The following EPHA3 variants were observed in gnomAD, a reference collection of about 807,000 sequenced individuals.
EPHA3 encodes the protein EPH receptor A3.
Under a neutral mutation model 107.1 loss-of-function variants are expected in EPHA3, and 42 were observed. That is an observed-to-expected ratio of 0.39 (90% CI 0.31 to 0.51). EPHA3 has a LOEUF of 0.51. Ranked by LOEUF, EPHA3 falls within the 20% of genes least tolerant of loss-of-function variation. The pLI is 0.78. For missense variants in EPHA3, 1,183 were observed against 1,211.2 expected (o/e 0.98, Z 0.35); for synonymous variants, 461 against 424.8 (o/e 1.09, Z -1.05).
At chr3:89,372,390 T>C (rs540398488) in intron 5 of EPHA3, among the ~76,000 whole-genome samples, 1 of 151,810 alleles carries the variant, frequency 6.6e-6, no homozygotes, top group East Asian at 1.9e-4. Flanking sequence ...TTCAAGCCTT[T>C]ATATTCCAAG....
chr3:89,111,164 G>A (rs1707096532), intron 1 of EPHA3, among the ~76,000 whole-genome samples: 1 of 151,882 alleles, frequency 6.6e-6, no homozygotes, highest in African/African-American at 2.4e-5. Flanking sequence ...AGGAAACTAT[G>A]CAATTGTTTA....
intron 2 of EPHA3, among the ~76,000 whole-genome samples, chr3:89,168,497 C>A (rs1008344481): frequency 6.6e-6 from 1 of 151,916 alleles, no homozygotes; most frequent in African/African-American, 2.4e-5. Flanking sequence ...TTTATTTATA[C>A]CAAATTTTTA....
At chr3:89,268,596 A>G (rs1705591338) in intron 3 of EPHA3, among the ~76,000 whole-genome samples, 2 of 152,024 alleles carry the variant, frequency 1.3e-5, no homozygotes, top group African/African-American at 4.8e-5. Context: ...TGAAATCAAG[A>G]AAATTGAATT....
intron 1 of EPHA3, among the ~76,000 whole-genome samples, chr3:89,121,445 T>C (rs911292564): frequency 1.3e-5 from 2 of 151,996 alleles, no homozygotes; most frequent in African/African-American, 2.4e-5. Flanking sequence ...ATCTGTGAAA[T>C]AAAATACTAA....
At chr3:89,212,508 C>T (rs933457377) in intron 3 of EPHA3, among the ~76,000 whole-genome samples, 1 of 151,808 alleles carries the variant, frequency 6.6e-6, no homozygotes. Flanking sequence ...TTTTTTAGAT[C>T]CCAGCATAAC....
In EPHA3 at chr3:89,265,747, G is replaced by A. The variant is rs746726890; in HGVS notation, c.814+55227G>A. Among the ~76,000 whole-genome samples the A allele has an allele frequency of 5.9e-5, 9 of 152,146 alleles. No individual in the cohort carries two copies. The South Asian group carries it at 1.9e-3, about 32-fold the overall frequency. The stretch of plus-strand genomic sequence containing the variant: ...AGCAATGCATCACTCCTTTTGTCAT[G>A]TGGACATTATGAAATTTAGTACATT... On this transcript the variant is annotated intron_variant, in intron 3 of 16. Transcript: ENST00000336596.
chr3:89,309,247 C>A (rs191700199), intron 3 of EPHA3, among the ~76,000 whole-genome samples: 302 of 152,216 alleles, frequency 2.0e-3, no homozygotes, highest in Middle Eastern at 6.8e-3. Flanking sequence ...ATAGGATACT[C>A]TTTCCACAAA....
At chr3:89,381,391 G>A (rs1282719973) in intron 5 of EPHA3, among the ~76,000 whole-genome samples, 9 of 151,880 alleles carry the variant, frequency 5.9e-5, no homozygotes, top group South Asian at 4.2e-4. Flanking sequence ...AATCATCAGC[G>A]TGGTATGATG....
At chr3:89,346,508 C>A (rs1368398689) in intron 5 of EPHA3, among the ~76,000 whole-genome samples, 2 of 147,828 alleles carry the variant, frequency 1.4e-5, no homozygotes, top group African/African-American at 4.9e-5. Flanking sequence ...ATTGTAGATT[C>A]TGGATATTAG....
intron 2 of EPHA3, among the ~76,000 whole-genome samples, chr3:89,167,914 A>G (rs1450457211): frequency 6.6e-6 from 1 of 152,126 alleles, no homozygotes; most frequent in African/African-American, 2.4e-5. Flanking sequence ...ATTATTTATT[A>G]TATACACATA....
chr3:89,223,500 G>GA (rs1704431522), intron 3 of EPHA3, among the ~76,000 whole-genome samples: 2 of 152,164 alleles, frequency 1.3e-5, no homozygotes, highest in South Asian at 4.1e-4. Context: ...GTAAACTCCA[G>GA]ATGAGGGTCA....
rs549142158 is a variant in EPHA3, at chr3:89,299,471, A to T, written c.815-41445A>T. On this transcript the variant is annotated intron_variant, in intron 3 of 16. Transcript: ENST00000336596. Reference sequence around the variant, plus strand: ...ATCCATAGCCTATAAAACTAAAATAAAAGAACCCAGGAAAAAGTAACGGCA... The same window carrying T: ...ATCCATAGCCTATAAAACTAAAATATAAGAACCCAGGAAAAAGTAACGGCA... 5.9e-5 allele frequency among the ~76,000 whole-genome samples: 9 copies of T among 152,094 alleles called. No individual in the cohort carries two copies. In the East Asian group the frequency reaches 1.7e-3, roughly 29 times the overall value.
chr3:89,388,391 G>A (rs188020173), intron 5 of EPHA3, among the ~76,000 whole-genome samples: 1 of 152,242 alleles, frequency 6.6e-6, no homozygotes, highest in African/African-American at 2.4e-5. Flanking sequence ...TAAATAATGG[G>A]AGAAGGAGCA....
intron 1 of EPHA3, among the ~76,000 whole-genome samples, chr3:89,111,196 A>C (rs1053912129): frequency 1.3e-5 from 2 of 152,120 alleles, no homozygotes; most frequent in African/African-American, 2.4e-5. Flanking sequence ...TAAAACTTGC[A>C]TATGAATATT....
At chr3:89,139,983 T>A (rs1704394573) in intron 2 of EPHA3, among the ~76,000 whole-genome samples, 1 of 151,872 alleles carries the variant, frequency 6.6e-6, no homozygotes, top group Non-Finnish European at 1.5e-5. Flanking sequence ...GCTACTTTTC[T>A]CAGCAGGTGA....
chr3:89,251,180 G>C (rs1285717578), intron 3 of EPHA3, among the ~76,000 whole-genome samples: 1 of 151,778 alleles, frequency 6.6e-6, no homozygotes, highest in Non-Finnish European at 1.5e-5. Flanking sequence ...AAACTACTAG[G>C]GTTTTTTGGT....
At chr3:89,474,393 T>A (rs1363605881) in intron 16 of EPHA3, among the ~76,000 whole-genome samples, 1 of 152,222 alleles carries the variant, frequency 6.6e-6, no homozygotes, top group Non-Finnish European at 1.5e-5. Context: ...CTTATTTTGA[T>A]CAGATACAGT....
At chr3:89,251,075 C>T (rs1304707910) in intron 3 of EPHA3, among the ~76,000 whole-genome samples, 1 of 152,116 alleles carries the variant, frequency 6.6e-6, no homozygotes, top group Non-Finnish European at 1.5e-5. Flanking sequence ...TCAAAGCAGT[C>T]AGGCATATAG....
chr3:89,466,177 A>AGTCT, intron 15 of EPHA3, among the ~76,000 whole-genome samples: 1 of 37,282 alleles, frequency 2.7e-5, no homozygotes, highest in African/African-American at 1.5e-4. Flanking sequence ...TTGAGGAGGC[A>AGTCT]GTCTGCCTGT....
Sources: gnomAD v4.1 joint callset for allele counts (sites outside exome capture counted in the v4.1 genomes callset) on GRCh38, gnomAD v4.1.1 for gene constraint, MANE v1.5 for transcripts, NCBI Gene and HGNC (gene_info 2026-07-23, HGNC 2026-07-21) for gene names.